WDR43: variants seen among roughly 807,000 people sequenced by gnomAD.
WDR43 encodes the protein WD repeat domain 43.
Under a neutral mutation model 91.4 loss-of-function variants are expected in WDR43, and 13 were observed. The observed-to-expected ratio is 0.14, with a 90% confidence interval of 0.09 to 0.23. The LOEUF is 0.23. Ranked by LOEUF, WDR43 falls within the 10% of genes least tolerant of loss-of-function variation. The probability of loss-of-function intolerance (pLI) is 1.00; values close to 1 mark genes in which losing one functional copy is unlikely to be tolerated. For missense variants in WDR43, 780 were observed against 809.4 expected (o/e 0.96, Z 0.44); for synonymous variants, 331 against 287.9 (o/e 1.15, Z -1.51).
rs569646059 is a variant in WDR43 at position 28,929,510 on chromosome 2, A to ATT, written c.1306-62_1306-61dup. 6.7e-5 allele frequency: 83 copies of ATT among 1,234,032 alleles called. 1 individual carries two copies. In the African/African-American group the frequency reaches 1.2e-3, roughly 17 times the overall value. The allele number at this position is 1,234,032 out of a possible 1,614,324, so 76.4% of individuals were successfully genotyped here. On this transcript the variant is annotated intron_variant, in intron 10 of 17. Coordinates refer to ENST00000407426, the MANE Select transcript of WDR43 (RefSeq NM_015131.3). ...AATCTATTTTATTTTATTTTATTTT[A>ATT]TTTTTTTTGTCTCCAAACTACTTTA...
At position 28,926,550 on chromosome 2, in the gene WDR43, CA is replaced by C; in HGVS notation, c.1172del (p.Lys391ArgfsTer2). ...CWAPKVETAITKVRTPVMNSE... is the reference protein window; with the variant it reads ...CWAPKVETAIXKVRTPVMNSE... ...GCCCCCAAAGTAGAAACAGCTATAA[CA>C]AAGGTGAGCACATTACAAATTTGAA... On this transcript the variant is annotated frameshift_variant, in exon 9 of 18. Coordinates refer to ENST00000407426, the MANE Select transcript of WDR43 (RefSeq NM_015131.3). LOFTEE classifies it high-confidence loss of function. 1 of 1,588,140 alleles carries C rather than the reference CA, an allele frequency of 6.3e-7. No individual in the cohort carries two copies. Among genetic ancestry groups the C allele is most frequent in the Non-Finnish European group, 8.6e-7 (1 of 1,165,740 alleles).
intron 3 of WDR43, among the ~76,000 whole-genome samples, chr2:28,909,542 T>A (rs1409540641): frequency 6.6e-6 from 1 of 152,204 alleles, no homozygotes; most frequent in East Asian, 1.9e-4. Flanking sequence ...CTGGAGATCC[T>A]GAGCTGCCTG....
chr2:28,928,019 T>C (rs1388529332), intron 10 of WDR43: 2 of 218,054 alleles, frequency 9.2e-6, no homozygotes, highest in African/African-American at 2.3e-5. Context: ...CGCATGTTGC[T>C]GAGTTCCAGT....
Position 28,894,933 on chromosome 2 carries a change from G to C in WDR43, c.225+10G>C, listed in dbSNP as rs2148174067. 1 of 1,539,706 alleles carries C rather than the reference G, an allele frequency of 6.5e-7. No homozygotes were observed. Among genetic ancestry groups the C allele is most frequent in the East Asian group, 2.5e-5 (1 of 39,714 alleles). ...GCGGCTGCAGGCCAAGGTAAAGCGAGCGGGACTGCGCGGGGCGGGCGCCTT... is the reference window on the plus strand; with the variant it reads ...GCGGCTGCAGGCCAAGGTAAAGCGACCGGGACTGCGCGGGGCGGGCGCCTT... On this transcript the variant is annotated intron_variant, in intron 1 of 17. Transcript: ENST00000407426.
Position 28,929,564 on chromosome 2 carries a change from C to A in WDR43, c.1306-15C>A. The A allele has an allele frequency of 6.4e-7, 1 of 1,567,142 alleles. No individual in the cohort carries two copies. The highest frequency in any genetic ancestry group is 8.6e-7 in the Non-Finnish European group (1 of 1,157,858). ...CTTGTCTGGTAACACATTAACAATCCTTTCTGTTCTGTAGGTTAGCATTGA... is the reference window on the plus strand; with the variant it reads ...CTTGTCTGGTAACACATTAACAATCATTTCTGTTCTGTAGGTTAGCATTGA... On this transcript the variant is annotated splice_polypyrimidine_tract_variant and intron_variant, in intron 10 of 17. Transcript: ENST00000407426.
intron 7 of WDR43, 102 bp downstream of exon 7, chr2:28,923,085 C>A: frequency 1.0e-6 from 1 of 985,064 alleles, no homozygotes; most frequent in Non-Finnish European, 1.5e-6. Flanking sequence ...TACTATTCAG[C>A]CAGATTATTT....
intron 10 of WDR43, 113 bp from the exon 11 acceptor site, chr2:28,929,466 T>G: frequency 9.8e-7 from 1 of 1,022,132 alleles, no homozygotes; most frequent in Non-Finnish European, 1.3e-6. Context: ...ATATTAGTGT[T>G]TTCTAGGGTT....
intron 6 of WDR43, among the ~76,000 whole-genome samples, chr2:28,922,171 A>G (rs1185055995): frequency 6.6e-6 from 1 of 152,204 alleles, no homozygotes; most frequent in Non-Finnish European, 1.5e-5. Context: ...TCTTTTTTCT[A>G]GTTTTTAATT....
intron 16 of WDR43, among the ~76,000 whole-genome samples, chr2:28,943,363 G>A (rs1222727269): frequency 2.0e-5 from 3 of 152,108 alleles, no homozygotes; most frequent in African/African-American, 7.2e-5. Context: ...GTACACCGTG[G>A]CCTCAAAAAC....
At chr2:28,910,066 C>G (rs1488108781) in intron 3 of WDR43, among the ~76,000 whole-genome samples, 1 of 152,170 alleles carries the variant, frequency 6.6e-6, no homozygotes, top group African/African-American at 2.4e-5. Flanking sequence ...TACATCTTAA[C>G]TTGTGCATAC....
intron 1 of WDR43, among the ~76,000 whole-genome samples, chr2:28,897,601 A>C (rs1276703835): frequency 6.6e-6 from 1 of 152,230 alleles, no homozygotes; most frequent in East Asian, 1.9e-4. Flanking sequence ...TTTACCATTT[A>C]ATTTGGCATT....
chr2:28,912,736 C>T, intron 4 of WDR43, 26 bp downstream of exon 4: 1 of 1,607,880 alleles, frequency 6.2e-7, no homozygotes, highest in Non-Finnish European at 8.5e-7. Flanking sequence ...TATTTGTAAG[C>T]ATAAAAATTA....
At chr2:28,916,079 G>A (rs1415370268) in intron 5 of WDR43, among the ~76,000 whole-genome samples, 1 of 152,172 alleles carries the variant, frequency 6.6e-6, no homozygotes, top group African/African-American at 2.4e-5. Context: ...ACAAACTGAT[G>A]AGTTGTAACA....
intron 1 of WDR43, among the ~76,000 whole-genome samples, chr2:28,901,586 T>A (rs1038768081): frequency 6.6e-6 from 1 of 152,194 alleles, no homozygotes; most frequent in Non-Finnish European, 1.5e-5. Flanking sequence ...TGCTTAGATA[T>A]GGACTTACGG....
chr2:28,904,504 A>G (rs961475696), intron 2 of WDR43, among the ~76,000 whole-genome samples: 3 of 152,254 alleles, frequency 2.0e-5, no homozygotes, highest in Non-Finnish European at 4.4e-5. Context: ...TGCTGCTGGC[A>G]ATAGTATTAT....
At position 28,947,864 on chromosome 2, in the gene WDR43, GTTTTTTTTTTTTTT is replaced by G. The variant is rs11351588; in HGVS notation, c.*1097_*1110del. 4 of 99,600 alleles carry G rather than the reference GTTTTTTTTTTTTTT, an allele frequency of 4.0e-5. No homozygotes were observed. Among genetic ancestry groups the G allele is most frequent in the Admixed American group, 1.2e-4 (1 of 8,328 alleles). 6.2% of individuals were successfully genotyped at this position (99,600 alleles called of 1,614,324 possible). On this transcript the variant is annotated 3_prime_UTR_variant, in exon 18 of 18. Coordinates refer to ENST00000407426, the MANE Select transcript of WDR43 (RefSeq NM_015131.3). ...AAGCCTTTGCAAATTATCAGTAGTA[GTTTTTTTTTTTTTT>G]TTTTTTTTTTTAAAGAATGAGCCGA...
intron 2 of WDR43, among the ~76,000 whole-genome samples, chr2:28,902,375 T>G (rs1041502188): frequency 3.9e-5 from 6 of 152,194 alleles, no homozygotes; most frequent in African/African-American, 1.4e-4. Flanking sequence ...TTACAGGAAC[T>G]CTAAGGAATC....
At chr2:28,905,671 T>C (rs1670665402) in intron 2 of WDR43, among the ~76,000 whole-genome samples, 1 of 151,178 alleles carries the variant, frequency 6.6e-6, no homozygotes, top group Non-Finnish European at 1.5e-5. Context: ...TTCTCTTTTT[T>C]TTTTTTTTTT....
At chr2:28,913,952 A>G in intron 4 of WDR43, 117 bp from the exon 5 acceptor site, 1 of 1,179,868 alleles carries the variant, frequency 8.5e-7, no homozygotes, top group Admixed American at 2.2e-5. Context: ...CAGTTACTTC[A>G]TCGTGGAGCT....
Sources: gnomAD v4.1 joint callset for allele counts (sites outside exome capture counted in the v4.1 genomes callset) on GRCh38, gnomAD v4.1.1 for gene constraint, MANE v1.5 for transcripts, NCBI Gene and HGNC (gene_info 2026-07-23, HGNC 2026-07-21) for gene names.